The following PTPRD variants were observed in gnomAD, a reference collection of about 807,000 sequenced individuals.
The protein encoded by PTPRD is receptor-type tyrosine-protein phosphatase delta.
In PTPRD, 34 loss-of-function variants were observed where a neutral mutation model predicts 214.5. The observed-to-expected ratio is 0.16, with a 90% confidence interval of 0.12 to 0.21. PTPRD has a LOEUF of 0.21. Ranked by LOEUF, PTPRD falls within the 10% of genes least tolerant of loss-of-function variation. PTPRD has a pLI of 1.00. For missense variants in PTPRD, 2,545 were observed against 2,398.7 expected, an observed-to-expected ratio of 1.06 and a Z score of -1.27; for synonymous variants, 1,128 against 845.7, an observed-to-expected ratio of 1.33 and a Z score of -5.79.
intron 3 of PTPRD, among the ~76,000 whole-genome samples, chr9:10,173,666 G>C (rs1191632772): frequency 6.6e-6 from 1 of 151,736 alleles, no homozygotes; most frequent in African/African-American, 2.4e-5. Context: ...CTTTACAAGA[G>C]GATATCTCAC....
chr9:9,834,700 A>T (rs2056198981), intron 5 of PTPRD, among the ~76,000 whole-genome samples: 1 of 152,198 alleles, frequency 6.6e-6, no homozygotes, highest in Non-Finnish European at 1.5e-5. Flanking sequence ...TAGGAAGGGT[A>T]AAACATTAGT....
At chr9:10,294,783 T>C (rs2154402505) in intron 3 of PTPRD, among the ~76,000 whole-genome samples, 1 of 152,100 alleles carries the variant, frequency 6.6e-6, no homozygotes, top group South Asian at 2.1e-4. Flanking sequence ...GCCAGTGCTA[T>C]TTTCTCTTCA....
At chr9:10,482,312 A>G (rs1005220611) in intron 2 of PTPRD, among the ~76,000 whole-genome samples, 5 of 152,220 alleles carry the variant, frequency 3.3e-5, no homozygotes, top group Middle Eastern at 3.4e-3. Context: ...TGGAGCTTAC[A>G]GTGAGCCGAG....
intron 2 of PTPRD, among the ~76,000 whole-genome samples, chr9:10,531,560 T>G (rs1446563034): frequency 6.6e-6 from 1 of 152,174 alleles, no homozygotes; most frequent in East Asian, 1.9e-4. Context: ...TTGCTTATAT[T>G]CATGAGTGTT....
intron 14 of PTPRD, among the ~76,000 whole-genome samples, chr9:8,607,661 T>A (rs1487323307): frequency 6.6e-6 from 1 of 151,896 alleles, no homozygotes; most frequent in Non-Finnish European, 1.5e-5. Flanking sequence ...AATTAAAAAA[T>A]AAATTAATTA....
At chr9:9,651,739 A>G (rs1225993540) in intron 7 of PTPRD, among the ~76,000 whole-genome samples, 1 of 146,108 alleles carries the variant, frequency 6.8e-6, no homozygotes, top group Non-Finnish European at 1.5e-5. Context: ...AATGATTTAT[A>G]TTCATTGGGT....
intron 11 of PTPRD, among the ~76,000 whole-genome samples, chr9:8,904,501 G>C (rs2098693813): frequency 6.6e-6 from 1 of 151,848 alleles, no homozygotes; most frequent in South Asian, 2.1e-4. Flanking sequence ...GTAAAACCCT[G>C]TCTCTACTAA....
chr9:10,545,391 T>G (rs1476209935), intron 2 of PTPRD, among the ~76,000 whole-genome samples: 2 of 152,180 alleles, frequency 1.3e-5, no homozygotes, highest in Admixed American at 6.6e-5. Context: ...TCAGATATTT[T>G]AGCATGCTTT....
intron 27 of PTPRD, 125 bp downstream of exon 27, chr9:8,492,737 A>G (rs749251398): frequency 2.5e-5 from 15 of 592,302 alleles, no homozygotes; most frequent in Middle Eastern, 5.8e-4. Context: ...TAAAAACACA[A>G]AAGTTGACCA....
At chr9:9,915,427 A>G (rs1207859489) in intron 5 of PTPRD, among the ~76,000 whole-genome samples, 5 of 152,084 alleles carry the variant, frequency 3.3e-5, no homozygotes, top group African/African-American at 4.8e-5. Context: ...ATTCAAAATA[A>G]TAAATCTTAA....
chr9:9,487,327 T>C lies in PTPRD; in HGVS notation c.-237+87405A>G, dbSNP rs547726068. Among the ~76,000 whole-genome samples the C allele has an allele frequency of 3.9e-5, 6 of 152,200 alleles. No homozygotes were observed. In the South Asian group the frequency reaches 1.2e-3, roughly 32 times the overall value. ...CATGTGGTGTTTAGTTTTTTGTCCTTGCGATAGTTTGCTGAGAATGATGGT... is the reference window on the plus strand; with the variant it reads ...CATGTGGTGTTTAGTTTTTTGTCCTCGCGATAGTTTGCTGAGAATGATGGT... On this transcript the variant is annotated intron_variant, in intron 8 of 45. Transcript: ENST00000381196.
Position 9,063,640 on chromosome 9 carries a change from T to A in PTPRD, c.-142-44905A>T, listed in dbSNP as rs188959786. On this transcript the variant is annotated intron_variant, in intron 10 of 45. Coordinates refer to ENST00000381196, the MANE Select transcript of PTPRD (RefSeq NM_002839.4). ...ACAAACACCTAGCATGTAGCAGGGC[T>A]CAAAAACATACAGTGAGTGAAAAAC... 3.1e-3 allele frequency among the ~76,000 whole-genome samples: 465 copies of A among 152,296 alleles called. 2 individuals are homozygous for A. The highest frequency in any genetic ancestry group is 0.011 in the African/African-American group (457 of 41,574).
At chr9:8,878,441 G>A (rs751487899) in intron 11 of PTPRD, among the ~76,000 whole-genome samples, 5 of 152,024 alleles carry the variant, frequency 3.3e-5, no homozygotes, top group Admixed American at 2.0e-4. Flanking sequence ...AGTAAGAAGG[G>A]GTGGCATATG....
intron 8 of PTPRD, among the ~76,000 whole-genome samples, chr9:9,501,208 A>G (rs2096403924): frequency 6.6e-6 from 1 of 151,948 alleles, no homozygotes; most frequent in South Asian, 2.1e-4. Context: ...AAAGCCAAAG[A>G]TTGTCAAATT....
At chr9:10,314,815 T>C (rs2096378030) in intron 3 of PTPRD, among the ~76,000 whole-genome samples, 1 of 151,960 alleles carries the variant, frequency 6.6e-6, no homozygotes, top group Admixed American at 6.6e-5. Flanking sequence ...GGATTAGAAG[T>C]TATGTCTTCA....
chr9:10,282,846 G>A (rs961814772), intron 3 of PTPRD, among the ~76,000 whole-genome samples: 1 of 151,982 alleles, frequency 6.6e-6, no homozygotes, highest in African/African-American at 2.4e-5. Flanking sequence ...TGTTTCCCAG[G>A]CAAAGCATAC....
At chr9:10,119,623 T>C (rs1452308729) in intron 3 of PTPRD, among the ~76,000 whole-genome samples, 1 of 151,990 alleles carries the variant, frequency 6.6e-6, no homozygotes, top group African/African-American at 2.4e-5. Context: ...CGGTAAGATA[T>C]TGGATGATAA....
chr9:9,370,003 C>T (rs577482517), intron 9 of PTPRD, among the ~76,000 whole-genome samples: 3 of 151,978 alleles, frequency 2.0e-5, no homozygotes, highest in African/African-American at 7.2e-5. Flanking sequence ...ACGATGTTTT[C>T]GTTACTGTAG....
chr9:10,402,586 G>A (rs867990741), intron 2 of PTPRD, among the ~76,000 whole-genome samples: 2 of 151,666 alleles, frequency 1.3e-5, no homozygotes, highest in African/African-American at 4.8e-5. Flanking sequence ...GAACATAAAT[G>A]TTGTAAATTA....
Sources: allele counts gnomAD v4.1 joint callset (sites outside exome capture counted in the v4.1 genomes callset), GRCh38; gene constraint gnomAD v4.1.1; transcripts MANE v1.5; gene names NCBI Gene and HGNC (gene_info 2026-07-23, HGNC 2026-07-21).